The following TSPAN18 variants were observed in gnomAD, a reference collection of about 807,000 sequenced individuals.
TSPAN18 encodes the protein tetraspanin-18.
A neutral mutation model predicts 27.3 loss-of-function variants in TSPAN18; 14 were observed. The observed-to-expected ratio is 0.51, with a 90% confidence interval of 0.34 to 0.80. The LOEUF is 0.80. Among genes scored for constraint, TSPAN18 ranks in the 30% least tolerant of loss-of-function variants. The pLI, the probability that TSPAN18 is intolerant of heterozygous loss-of-function variation, is 0.01. For missense variants in TSPAN18, 268 were observed against 323.9 expected (o/e 0.83, Z 1.32); for synonymous variants, 143 against 136.5 (o/e 1.05, Z -0.33).
intron 2 of TSPAN18, among the ~76,000 whole-genome samples, chr11:44,816,589 G>T (rs1355316605): frequency 6.6e-6 from 1 of 152,170 alleles, no homozygotes; most frequent in Non-Finnish European, 1.5e-5. Context: ...TTGAAGGCAG[G>T]TGAGGGCCCA....
chr11:44,769,386 G>T (rs1465196315), intron 2 of TSPAN18, among the ~76,000 whole-genome samples: 1 of 152,120 alleles, frequency 6.6e-6, no homozygotes, highest in Admixed American at 6.5e-5. Flanking sequence ...TCTGGTTTAG[G>T]TATCAGCATA....
rs1004192927 is a variant in TSPAN18 at position 44,807,942 on chromosome 11, G to A, written c.-153+43430G>A. Among the ~76,000 whole-genome samples, 9 of 152,202 alleles carry A rather than the reference G, an allele frequency of 5.9e-5. No individual in the cohort carries two copies. In the East Asian group the frequency reaches 1.2e-3, roughly 20 times the overall value. On this transcript the variant is annotated intron_variant, in intron 2 of 9. Coordinates refer to ENST00000520358, the MANE Select transcript of TSPAN18 (RefSeq NM_130783.5). ...CAAGGGTTACTCAAAGTAGAGGACC[G>A]TGTAGGGGTGGCTGAGTTCCGAGGC...
intron 1 of TSPAN18, among the ~76,000 whole-genome samples, chr11:44,746,284 G>T (rs1252244062): frequency 6.6e-6 from 1 of 152,166 alleles, no homozygotes; most frequent in Non-Finnish European, 1.5e-5. Flanking sequence ...CTCTGTCAGG[G>T]AGTCTTTGCA....
At chr11:44,915,755 G>C (rs570754463) in intron 5 of TSPAN18, among the ~76,000 whole-genome samples, 1 of 152,234 alleles carries the variant, frequency 6.6e-6, no homozygotes, top group African/African-American at 2.4e-5. Flanking sequence ...TTTCTGCAAA[G>C]CTCCAAAGAG....
chr11:44,881,110 A>G (rs1233904126), intron 3 of TSPAN18, among the ~76,000 whole-genome samples: 1 of 152,250 alleles, frequency 6.6e-6, no homozygotes, highest in Non-Finnish European at 1.5e-5. Flanking sequence ...ACCTTGAACA[A>G]GTAACTTAAC....
chr11:44,795,663 A>C lies in TSPAN18; in HGVS notation c.-153+31151A>C, dbSNP rs1244915639. Among the ~76,000 whole-genome samples, 6 of 27,344 alleles carry C rather than the reference A, an allele frequency of 2.2e-4. No individual in the cohort carries two copies. The South Asian group carries it at 0.024, about 107-fold the overall frequency. 17.9% of individuals were successfully genotyped at this position (27,344 alleles called of 152,430 possible). A position where few individuals can be genotyped will look rare whatever the true frequency, so the allele number is the denominator to read the frequency against. On this transcript the variant is annotated intron_variant, in intron 2 of 9. Coordinates refer to ENST00000520358, the MANE Select transcript of TSPAN18 (RefSeq NM_130783.5). ...TACTCCTGCCGCTTCTGATTGTCTA[A>C]GCTTCTGGGGCCCAGACCCCATTTT...
At chr11:44,788,973 G>A (rs1445403807) in intron 2 of TSPAN18, among the ~76,000 whole-genome samples, 1 of 152,196 alleles carries the variant, frequency 6.6e-6, no homozygotes, top group Admixed American at 6.5e-5. Context: ...TACGTGGGGT[G>A]CCTGGGCTCG....
intron 3 of TSPAN18, chr11:44,897,672 TTTTCATAAACAGCTCC>T: frequency 1.0e-6 from 1 of 960,398 alleles, no homozygotes; most frequent in Admixed American, 2.4e-5. Context: ...GGAGGGCGGG[TTTTCATAAACAGCTCC>T]TTTCATGGGG....
At chr11:44,755,139 C>G (rs1261467261) in intron 1 of TSPAN18, among the ~76,000 whole-genome samples, 3 of 152,162 alleles carry the variant, frequency 2.0e-5, no homozygotes, top group Non-Finnish European at 4.4e-5. Context: ...CCTCCCTGGC[C>G]CTTCCACCCT....
At chr11:44,894,476 G>A (rs535653948) in intron 3 of TSPAN18, among the ~76,000 whole-genome samples, 1 of 152,222 alleles carries the variant, frequency 6.6e-6, no homozygotes. Flanking sequence ...GGGGGCGGGG[G>A]GGAGTGAAAG....
chr11:44,820,958 T>C (rs930904492), intron 2 of TSPAN18, among the ~76,000 whole-genome samples: 2 of 152,210 alleles, frequency 1.3e-5, no homozygotes, highest in African/African-American at 2.4e-5. Flanking sequence ...TGTGCCATGC[T>C]TGTACAGCCT....
At chr11:44,773,115 A>G (rs1855726349) in intron 2 of TSPAN18, among the ~76,000 whole-genome samples, 1 of 152,164 alleles carries the variant, frequency 6.6e-6, no homozygotes, top group Admixed American at 6.5e-5. Context: ...AAGCTTACAT[A>G]CACATTATTA....
intron 2 of TSPAN18, among the ~76,000 whole-genome samples, chr11:44,815,799 G>T (rs137897956): frequency 6.6e-6 from 1 of 152,094 alleles, no homozygotes; most frequent in Non-Finnish European, 1.5e-5. Context: ...GCAGTTGAGA[G>T]CAAGCTTGAC....
chr11:44,790,390 T>C (rs1045525636), intron 2 of TSPAN18, among the ~76,000 whole-genome samples: 3 of 150,766 alleles, frequency 2.0e-5, no homozygotes, highest in Non-Finnish European at 4.4e-5. Context: ...TGTGTGTGCA[T>C]GTGCTCTTGC....
At chr11:44,872,018 G>A (rs987377375) in intron 3 of TSPAN18, among the ~76,000 whole-genome samples, 7 of 152,066 alleles carry the variant, frequency 4.6e-5, no homozygotes, top group Non-Finnish European at 8.8e-5. Flanking sequence ...CTGCCTCCTG[G>A]GTTCAAGCAG....
chr11:44,750,847 G>C (rs1855194072), intron 1 of TSPAN18, among the ~76,000 whole-genome samples: 1 of 152,236 alleles, frequency 6.6e-6, no homozygotes, highest in South Asian at 2.1e-4. Flanking sequence ...AAGTGACTCA[G>C]AGAGGCTTGG....
intron 3 of TSPAN18, among the ~76,000 whole-genome samples, chr11:44,863,704 A>G (rs763249812): frequency 6.6e-6 from 1 of 152,184 alleles, no homozygotes; most frequent in African/African-American, 2.4e-5. Flanking sequence ...CGCTTGAAAC[A>G]TTGTATTCCA....
intron 1 of TSPAN18, among the ~76,000 whole-genome samples, chr11:44,755,794 C>T (rs917640483): frequency 3.3e-5 from 5 of 152,142 alleles, no homozygotes; most frequent in Non-Finnish European, 7.3e-5. Flanking sequence ...TCCAGGGTCT[C>T]CCTGAGGACG....
At chr11:44,897,907 T>C in intron 3 of TSPAN18, 3 of 1,255,276 alleles carry the variant, frequency 2.4e-6, no homozygotes, top group Non-Finnish European at 3.1e-6. Context: ...TCCACTCTGA[T>C]CCTTTCCAAT....
Sources: gnomAD v4.1 joint callset for allele counts (sites outside exome capture counted in the v4.1 genomes callset) on GRCh38, gnomAD v4.1.1 for gene constraint, MANE v1.5 for transcripts, NCBI Gene and HGNC (gene_info 2026-07-23, HGNC 2026-07-21) for gene names.